FSTL4: variants seen among roughly 807,000 people sequenced by gnomAD.
The protein encoded by FSTL4 is follistatin like 4.
A neutral mutation model predicts 78.2 loss-of-function variants in FSTL4; 28 were observed. That is an observed-to-expected ratio of 0.36 (90% CI 0.27 to 0.49). The LOEUF (loss-of-function observed/expected upper bound fraction) is 0.49. FSTL4 is among the 20% of genes least tolerant of loss of function. The probability of loss-of-function intolerance (pLI) is 0.98; values close to 1 mark genes in which losing one functional copy is unlikely to be tolerated. For synonymous variants in FSTL4, 422 were observed against 440.5 expected, an observed-to-expected ratio of 0.96 and a Z score of 0.53; for missense variants, 922 against 1,084.9, an observed-to-expected ratio of 0.85 and a Z score of 2.11.
chr5:133,530,445 T>C (rs1423841945), intron 3 of FSTL4, among the ~76,000 whole-genome samples: 1 of 152,218 alleles, frequency 6.6e-6, no homozygotes, highest in Non-Finnish European at 1.5e-5. Flanking sequence ...GGCCCACGTG[T>C]AATCCTCAGT....
At chr5:133,829,400 GA>G in the FSTL4 span, among the ~76,000 whole-genome samples, 4 of 151,830 alleles carry the variant, frequency 2.6e-5, no homozygotes, top group Admixed American at 2.6e-4. Flanking sequence ...AAAAAGAAAA[GA>G]AAGAAAAAGC....
chr5:133,660,994 T>A, the FSTL4 span, among the ~76,000 whole-genome samples: 3 of 148,420 alleles, frequency 2.0e-5, no homozygotes, highest in Non-Finnish European at 4.5e-5. Context: ...TATTTTTTTT[T>A]ACTTTTGTTT....
intron 6 of FSTL4, among the ~76,000 whole-genome samples, chr5:133,303,998 G>A (rs1753604974): frequency 6.6e-6 from 1 of 152,156 alleles, no homozygotes; most frequent in South Asian, 2.1e-4. Context: ...GAGCCTGGGA[G>A]GTAGCCTCGG....
intron 6 of FSTL4, among the ~76,000 whole-genome samples, chr5:133,307,053 C>T (rs992419471): frequency 7.9e-5 from 12 of 152,204 alleles, no homozygotes; most frequent in African/African-American, 2.9e-4. Flanking sequence ...GTTGTTATTC[C>T]CATTTTACAG....
At position 133,426,002 on chromosome 5, in the gene FSTL4, A is replaced by AC. The variant is rs554573536; in HGVS notation, c.161-25017dup. On this transcript the variant is annotated intron_variant, in intron 3 of 15. Transcript: ENST00000265342. This position sits in a 1 kb window ranked among gnomAD's most constrained non-coding sequence, Gnocchi z 5.0. ...TAGTCTTCCTGTCTAAGTGCTGGGG[A>AC]CCCCCCCTGAGCAAGACCCTTCTCT... Among the ~76,000 whole-genome samples the AC allele has an allele frequency of 2.9e-3, 434 of 151,192 alleles. No homozygotes were observed. The highest frequency in any genetic ancestry group is 0.01 in the African/African-American group (414 of 41,106).
chr5:133,644,421 G>C, the FSTL4 span, among the ~76,000 whole-genome samples: 1 of 152,000 alleles, frequency 6.6e-6, no homozygotes, highest in Non-Finnish European at 1.5e-5. Flanking sequence ...TTAATGTCAT[G>C]GTGGCCTTTA....
the FSTL4 span, among the ~76,000 whole-genome samples, chr5:133,674,225 T>G: frequency 6.6e-6 from 1 of 152,198 alleles, no homozygotes; most frequent in African/African-American, 2.4e-5. Flanking sequence ...CCCAATGATC[T>G]GGGTGCTGAA....
At chr5:133,217,438 A>G in intron 12 of FSTL4, 60 bp from the exon 13 acceptor site, 2 of 1,498,056 alleles carry the variant, frequency 1.3e-6, no homozygotes, top group Non-Finnish European at 1.8e-6. Flanking sequence ...CAACATCTCT[A>G]GGTACTCTCT....
At chr5:133,260,761 A>T (rs960749299) in intron 6 of FSTL4, among the ~76,000 whole-genome samples, 4 of 152,216 alleles carry the variant, frequency 2.6e-5, no homozygotes, top group Non-Finnish European at 5.9e-5. Flanking sequence ...CAGGGAGCTC[A>T]GCTGAGCCCA....
At chr5:133,582,095 C>A (rs1241920587) in intron 2 of FSTL4, among the ~76,000 whole-genome samples, 3 of 152,208 alleles carry the variant, frequency 2.0e-5, no homozygotes, top group Non-Finnish European at 4.4e-5. Flanking sequence ...GTCAGTGGAG[C>A]CAGAGGATGG....
intron 2 of FSTL4, among the ~76,000 whole-genome samples, chr5:133,570,327 A>G (rs536654533): frequency 2.0e-5 from 3 of 152,002 alleles, no homozygotes; most frequent in Non-Finnish European, 4.4e-5. Context: ...TTATTTTAAA[A>G]TTTTTTTATT....
intron 4 of FSTL4, among the ~76,000 whole-genome samples, chr5:133,351,377 A>G (rs866893220): frequency 1.1e-4 from 16 of 152,166 alleles, no homozygotes; most frequent in African/African-American, 3.1e-4. Context: ...GTATTTTTCA[A>G]TTCTGGAAAA....
chr5:133,735,140 C>T, the FSTL4 span, among the ~76,000 whole-genome samples: 3 of 152,260 alleles, frequency 2.0e-5, no homozygotes, highest in African/African-American at 4.8e-5. Flanking sequence ...CACCTCATGC[C>T]TGACCCATCC....
At chr5:133,601,000 T>C (rs1010688029) in intron 2 of FSTL4, among the ~76,000 whole-genome samples, 48 of 152,346 alleles carry the variant, frequency 3.2e-4, no homozygotes, top group African/African-American at 1.1e-3. Context: ...GATACATTAA[T>C]AGCTACAGTT....
At chr5:133,469,496 T>C (rs1424225445) in intron 3 of FSTL4, among the ~76,000 whole-genome samples, 1 of 152,186 alleles carries the variant, frequency 6.6e-6, no homozygotes, top group East Asian at 1.9e-4. Context: ...CTGGAGGAGA[T>C]GCAGATAGTG....
intron 4 of FSTL4, among the ~76,000 whole-genome samples, chr5:133,350,941 G>A (rs767855209): frequency 5.9e-5 from 9 of 152,218 alleles, no homozygotes; most frequent in South Asian, 2.1e-4. Context: ...TATAAGAAAG[G>A]CTGGGAAAGG....
the FSTL4 span, among the ~76,000 whole-genome samples, chr5:133,781,735 A>C: frequency 3.9e-5 from 6 of 152,190 alleles, no homozygotes; most frequent in Non-Finnish European, 8.8e-5. Context: ...CACAATCAGC[A>C]TGCCCACCTC....
chr5:133,658,871 T>G, the FSTL4 span, among the ~76,000 whole-genome samples: 3 of 152,148 alleles, frequency 2.0e-5, no homozygotes, highest in African/African-American at 7.2e-5. Context: ...CAACTTCTCT[T>G]TGGTTTATTG....
At chr5:133,831,371 C>G in the FSTL4 span, among the ~76,000 whole-genome samples, 42 of 152,148 alleles carry the variant, frequency 2.8e-4, no homozygotes, top group African/African-American at 1.0e-3. Flanking sequence ...TTTAATGACT[C>G]TTAAGTGCTT....
Sources: allele counts gnomAD v4.1 joint callset (sites outside exome capture counted in the v4.1 genomes callset), GRCh38; gene constraint gnomAD v4.1.1; non-coding constraint Gnocchi (gnomAD v3.1); transcripts MANE v1.5; gene names NCBI Gene and HGNC (gene_info 2026-07-23, HGNC 2026-07-21).